Variants in IQCH observed in about 807,000 individuals in gnomAD.
The protein encoded by IQCH is IQ domain-containing protein H.
IQCH carries 98 observed loss-of-function variants against 117.0 expected under a neutral mutation model. That is an observed-to-expected ratio of 0.84 (90% CI 0.71 to 0.99). The LOEUF (loss-of-function observed/expected upper bound fraction) is 0.99. IQCH is among the 50% of genes least tolerant of loss of function. The probability of loss-of-function intolerance (pLI) is 0.00; values close to 1 mark genes in which losing one functional copy is unlikely to be tolerated. For missense variants in IQCH, 1,102 were observed against 1,243.8 expected (o/e 0.89, Z 1.72); for synonymous variants, 412 against 448.2 (o/e 0.92, Z 1.02).
chr15:67,438,786 A>G (rs1055370399), intron 16 of IQCH, among the ~76,000 whole-genome samples: 1 of 152,268 alleles, frequency 6.6e-6, no homozygotes, highest in African/African-American at 2.4e-5. Flanking sequence ...CAAACTTTAA[A>G]GCAACAGCAG....
Position 67,474,860 on chromosome 15 carries a change from A to G in IQCH, c.2677-836A>G, listed in dbSNP as rs928171450. 1.3e-5 allele frequency among the ~76,000 whole-genome samples: 2 copies of G among 152,220 alleles called. No individual in the cohort carries two copies. Among genetic ancestry groups the G allele is most frequent in the South Asian group, 2.1e-4 (1 of 4,824 alleles). ...GTGATAAGTCACACTGATACCATCT[A>G]TCTACCCTTGATATGAAGTGAGGAA... On this transcript the variant is annotated intron_variant, in intron 17 of 20. Transcript: ENST00000335894. This position sits in a 1 kb window ranked among gnomAD's most constrained non-coding sequence, Gnocchi z 4.1.
At chr15:67,498,826 A>G (rs2083898439) in intron 20 of IQCH, among the ~76,000 whole-genome samples, 1 of 152,220 alleles carries the variant, frequency 6.6e-6, no homozygotes, top group South Asian at 2.1e-4. Flanking sequence ...AAAGAACACT[A>G]TCAAGAAAGT....
At chr15:67,389,069 A>G in intron 12 of IQCH, 63 bp downstream of exon 12, 1 of 1,309,390 alleles carries the variant, frequency 7.6e-7, no homozygotes, top group Non-Finnish European at 1.1e-6. Flanking sequence ...GGAAATTTTA[A>G]TAACTTGCAA....
At chr15:67,449,837 T>C (rs1314026533) in intron 16 of IQCH, among the ~76,000 whole-genome samples, 1 of 152,236 alleles carries the variant, frequency 6.6e-6, no homozygotes. Context: ...TTTCATGATA[T>C]TGATTCTTCC....
chr15:67,337,652 GA>G (rs1329105016), intron 5 of IQCH, among the ~76,000 whole-genome samples: 1 of 144,694 alleles, frequency 6.9e-6, no homozygotes, highest in African/African-American at 2.6e-5. Context: ...TAGATTGAGT[GA>G]ATAAGAAAAT....
intron 3 of IQCH, among the ~76,000 whole-genome samples, chr15:67,274,489 A>C (rs1966039867): frequency 6.6e-6 from 1 of 152,058 alleles, no homozygotes; most frequent in East Asian, 1.9e-4. Flanking sequence ...GTATTTCAAC[A>C]TTTCTGTTTG....
chr15:67,305,656 G>C (rs1446391359), intron 4 of IQCH, among the ~76,000 whole-genome samples: 1 of 152,036 alleles, frequency 6.6e-6, no homozygotes, highest in Non-Finnish European at 1.5e-5. Flanking sequence ...GGCTTAGCTG[G>C]AGGAGTACTG....
Position 67,373,731 on chromosome 15 carries a change from G to A in IQCH, c.1372+298G>A. ...AGTTGTATTTTTCCCCGAAATAACA[G>A]ATAATGTTTTCGATCTTCTTTAATG... is the stretch of plus-strand genomic sequence containing the variant. On this transcript the variant is annotated intron_variant, in intron 10 of 20. Transcript: ENST00000335894. The A allele has an allele frequency of 6.1e-6, 3 of 492,220 alleles. 1 individual carries two copies. In the South Asian group the frequency reaches 7.1e-5, roughly 12 times the overall value. 30.5% of individuals were successfully genotyped at this position (492,220 alleles called of 1,614,324 possible). A position where few individuals can be genotyped will look rare whatever the true frequency, so the allele number is the denominator to read the frequency against.
intron 6 of IQCH, among the ~76,000 whole-genome samples, chr15:67,352,320 C>A (rs1025965768): frequency 2.0e-5 from 3 of 152,016 alleles, no homozygotes; most frequent in African/African-American, 7.2e-5. Flanking sequence ...TTTAAAAAAA[C>A]CCACAAGACA....
At position 67,479,851 on chromosome 15, in the gene IQCH, G is replaced by A. The variant is rs920063773; in HGVS notation, c.2799+4033G>A. 3.3e-5 allele frequency among the ~76,000 whole-genome samples: 5 copies of A among 152,260 alleles called. No individual in the cohort carries two copies. The highest frequency in any genetic ancestry group is 3.9e-4 in the East Asian group (2 of 5,182). ...TATGATCACAGACTTTTCAAATGAT[G>A]TTCTTGTCCAAAGTCCCAGGGGGAA... is the stretch of plus-strand genomic sequence containing the variant. On this transcript the variant is annotated intron_variant, in intron 18 of 20. Transcript: ENST00000335894. The surrounding 1 kb of genome is among the most constrained non-coding windows in gnomAD (Gnocchi z 4.6).
chr15:67,335,719 G>A (rs1247562745), intron 4 of IQCH, among the ~76,000 whole-genome samples: 2 of 152,112 alleles, frequency 1.3e-5, no homozygotes, highest in Non-Finnish European at 2.9e-5. Flanking sequence ...TCATTAAGGC[G>A]AGGCTGGTAG....
chr15:67,372,371 C>T lies in IQCH; in HGVS notation c.1014C>T (p.Thr338=), dbSNP rs1191202830. 6.2e-7 allele frequency: 1 copy of T among 1,614,032 alleles called. No individual in the cohort carries two copies. The highest frequency in any genetic ancestry group is 1.7e-5 in the Admixed American group (1 of 59,992). Residue 338 remains threonine (T), a synonymous_variant, in exon 9 of 21, where the codon ACC becomes ACT. Transcript: ENST00000335894. ...LPEFELTNKL[T]RYDLLSVLED... is the part of the protein sequence containing the mutation. ...AGTTTGAGCTGACGAATAAACTTAC[C>T]AGATATGACCTTCTCTCAGTGTTAG...
At position 67,298,966 on chromosome 15, in the gene IQCH, C is replaced by T. The variant is rs146113020; in HGVS notation, c.387+19454C>T. 1.9e-3 allele frequency among the ~76,000 whole-genome samples: 285 copies of T among 152,066 alleles called. 4 individuals carry two copies. The highest frequency in any genetic ancestry group is 6.7e-3 in the African/African-American group (277 of 41,476). ...TGTATCAAAGAGGTAGCTGCACTCC[C>T]ATGTTTATTGTAGCACTATTCCCAA... On this transcript the variant is annotated intron_variant, in intron 4 of 20. Transcript: ENST00000335894.
chr15:67,264,090 T>C (rs1174930496), intron 3 of IQCH, among the ~76,000 whole-genome samples: 2 of 152,112 alleles, frequency 1.3e-5, no homozygotes, highest in African/African-American at 4.8e-5. Flanking sequence ...GAGCAGAGCT[T>C]TGGGTGTACA....
intron 3 of IQCH, among the ~76,000 whole-genome samples, chr15:67,264,488 A>G (rs2140437920): frequency 6.6e-6 from 1 of 152,232 alleles, no homozygotes; most frequent in South Asian, 2.1e-4. Flanking sequence ...TTCCAAGCTC[A>G]CTCATATAGT....
Position 67,433,257 on chromosome 15 carries a change from A to G in IQCH, c.2505+11680A>G, listed in dbSNP as rs1193661948. Among the ~76,000 whole-genome samples, 2 of 152,250 alleles carry G rather than the reference A, an allele frequency of 1.3e-5. No individual in the cohort carries two copies. Among genetic ancestry groups the G allele is most frequent in the Non-Finnish European group, 2.9e-5 (2 of 68,042 alleles). ...TGCAAGTAATAGTAATGATGATGGC[A>G]ATGATGATGACTTCTACAATAAGCA... is the stretch of plus-strand genomic sequence containing the variant. On this transcript the variant is annotated intron_variant, in intron 16 of 20. Transcript: ENST00000335894. The surrounding 1 kb of genome is among the most constrained non-coding windows in gnomAD (Gnocchi z 5.4).
At chr15:67,402,614 C>T (rs1425052353) in intron 14 of IQCH, among the ~76,000 whole-genome samples, 1 of 152,162 alleles carries the variant, frequency 6.6e-6, no homozygotes, top group African/African-American at 2.4e-5. Flanking sequence ...CCTAGCCTGG[C>T]ACATACAAAA....
At position 67,336,958 on chromosome 15, in the gene IQCH, A is replaced by C; in HGVS notation, c.388-17A>C. On this transcript the variant is annotated splice_polypyrimidine_tract_variant and intron_variant, in intron 4 of 20. Coordinates refer to ENST00000335894, the MANE Select transcript of IQCH (RefSeq NM_001031715.3). ...GAAGGCAAAAATGTTTGCTGAAACA[A>C]ATTTTTTATTATCTAGATAAAGGTT... 1 of 1,611,810 alleles carries C rather than the reference A, an allele frequency of 6.2e-7. No homozygotes were observed.
intron 4 of IQCH, among the ~76,000 whole-genome samples, chr15:67,320,425 A>G (rs941033575): frequency 7.2e-5 from 11 of 152,346 alleles, no homozygotes; most frequent in South Asian, 6.2e-4. Flanking sequence ...GGTATCAAGT[A>G]TACACATTTT....
Sources: gnomAD v4.1 joint callset for allele counts (sites outside exome capture counted in the v4.1 genomes callset) on GRCh38, gnomAD v4.1.1 for gene constraint, Gnocchi (gnomAD v3.1) non-coding constraint, MANE v1.5 for transcripts, NCBI Gene and HGNC (gene_info 2026-07-23, HGNC 2026-07-21) for gene names.